The following TYMS variants were observed in gnomAD, a reference collection of about 807,000 sequenced individuals.
TYMS encodes thymidylate synthase.
TYMS carries 21 observed loss-of-function variants against 39.3 expected under a neutral mutation model. The observed-to-expected ratio is 0.54, with a 90% CI of 0.38 to 0.77. The LOEUF is 0.77. Ranked by LOEUF, TYMS falls within the 30% of genes least tolerant of loss-of-function variation. The pLI is 0.00. For synonymous variants in TYMS, 171 were observed against 162.2 expected, an observed-to-expected ratio of 1.05 and a Z score of -0.41; for missense variants, 273 against 406.7, an observed-to-expected ratio of 0.67 and a Z score of 2.83.
chr18:659,846 C>A, intron 2 of TYMS, 132 bp downstream of exon 2: 1 of 787,596 alleles, frequency 1.3e-6, no homozygotes, highest in South Asian at 1.6e-5. Context: ...GAGGCTGAGT[C>A]AGATCACCTG....
chr18:659,434 A>T (rs1480128282), intron 1 of TYMS, among the ~76,000 whole-genome samples: 1 of 152,038 alleles, frequency 6.6e-6, no homozygotes, highest in Non-Finnish European at 1.5e-5. Context: ...TCACCGGGGC[A>T]CAGAAGTGCT....
chr18:663,119 TAC>T (rs1226006242), intron 3 of TYMS, among the ~76,000 whole-genome samples: 1 of 96,950 alleles, frequency 1.0e-5, no homozygotes, highest in Non-Finnish European at 1.9e-5. Flanking sequence ...TGAACTAGTT[TAC>T]AGTCCCACCA....
chr18:659,551 C>G, intron 1 of TYMS, 90 bp from the exon 2 acceptor site: 1 of 1,110,044 alleles, frequency 9.0e-7, no homozygotes, highest in African/African-American at 1.5e-5. Context: ...TCCAGGGCCT[C>G]ACGTCCCAGG....
rs962893674 is a variant in TYMS at position 660,447 on chromosome 18, AG to A, written c.279+735del. The stretch of plus-strand genomic sequence containing the variant: ...CTTCCCCTGTTAGAAGGGGGACAGC[AG>A]GTAGTAAAAGTGAAATGTGCTGTAA... On this transcript the variant is annotated intron_variant, in intron 2 of 6. Coordinates refer to ENST00000323274, the MANE Select transcript of TYMS (RefSeq NM_001071.4). This position sits in a 1 kb window ranked among gnomAD's most constrained non-coding sequence, Gnocchi z 4.6. 1.4e-4 allele frequency among the ~76,000 whole-genome samples: 21 copies of A among 152,318 alleles called. No homozygotes were observed. The highest frequency in any genetic ancestry group is 4.8e-4 in the African/African-American group (20 of 41,580).
At chr18:671,080 T>G in intron 5 of TYMS, 1 of 635,248 alleles carries the variant, frequency 1.6e-6, no homozygotes, top group Non-Finnish European at 2.7e-6. Flanking sequence ...CTATACAGGT[T>G]GTTTGTGATA....
chr18:667,113 T>A lies in TYMS; in HGVS notation c.455-1959T>A, dbSNP rs1426275070. Among the ~76,000 whole-genome samples the A allele has an allele frequency of 7.4e-5, 5 of 67,250 alleles. 1 individual carries two copies. Among genetic ancestry groups the A allele is most frequent in the African/African-American group, 1.2e-4 (1 of 8,478 alleles). The allele number at this position is 67,250 out of a possible 152,430, so 44.1% of individuals were successfully genotyped here. A position where few individuals can be genotyped will look rare whatever the true frequency, so the allele number is the denominator to read the frequency against. On this transcript the variant is annotated intron_variant, in intron 3 of 6. Transcript: ENST00000323274. ...GTGATGGAGATGGAGATGGAGATGG[T>A]GATGGTGATGGTGATGGAGATGGTG... is the stretch of plus-strand genomic sequence containing the variant.
intron 1 of TYMS, 79 bp from the exon 2 acceptor site, chr18:659,562 G>A: frequency 1.6e-6 from 2 of 1,229,852 alleles, no homozygotes; most frequent in Non-Finnish European, 2.4e-6. Context: ...ACGTCCCAGG[G>A]CAGTTTTCTT....
chr18:670,618 CCT>C lies in TYMS; in HGVS notation c.557-73_557-72del, dbSNP rs563916756. 2.9e-4 allele frequency: 441 copies of C among 1,533,526 alleles called. 1 individual carries two copies. In the African/African-American group the frequency reaches 5.5e-3, roughly 19 times the overall value. The allele number at this position is 1,533,526 out of a possible 1,614,324, so 95.0% of individuals were successfully genotyped here. A position where few individuals can be genotyped will look rare whatever the true frequency, so the allele number is the denominator to read the frequency against. On this transcript the variant is annotated intron_variant, in intron 4 of 6. Coordinates refer to ENST00000323274, the MANE Select transcript of TYMS (RefSeq NM_001071.4). ...CATATGAGTTGGCTTCTGTTTCTCT[CCT>C]GTTTTACTTTGCCTTTAGCTGTGGT... is the stretch of plus-strand genomic sequence containing the variant.
intron 1 of TYMS, 47 bp downstream of exon 1, chr18:657,994 CGCG>C: frequency 6.6e-7 from 1 of 1,510,920 alleles, no homozygotes; most frequent in Non-Finnish European, 8.8e-7. Context: ...AGGAGGGAGG[CGCG>C]GCTGGGGAGA....
chr18:669,543 T>C (rs2074943706), intron 4 of TYMS: 1 of 187,292 alleles, frequency 5.3e-6, no homozygotes, highest in African/African-American at 2.4e-5. Flanking sequence ...CGGCTAATTT[T>C]GTATTTTTAG....
chr18:658,075 C>A lies in TYMS; in HGVS notation c.205+128C>A, dbSNP rs2144252319. On this transcript the variant is annotated intron_variant, in intron 1 of 6. Transcript: ENST00000323274. This position sits in a 1 kb window ranked among gnomAD's most constrained non-coding sequence, Gnocchi z 4.5. ...AACCTCAATCCTGCGAGGGAGGGGA[C>A]GCATCGTCCTCCTCGCCTTACAGAC... 6.3e-7 allele frequency: 1 copy of A among 1,575,200 alleles called. No homozygotes were observed. The highest frequency in any genetic ancestry group is 8.6e-7 in the Non-Finnish European group (1 of 1,163,774).
Position 658,310 on chromosome 18 carries a change from G to T in TYMS, c.205+363G>T. ...GCTGCCTGGGCTTGACCGCGCGCCG[G>T]TCTCAAAGTCCTGGCTTTGGCCCCT... On this transcript the variant is annotated intron_variant, in intron 1 of 6. Coordinates refer to ENST00000323274, the MANE Select transcript of TYMS (RefSeq NM_001071.4). The surrounding 1 kb of genome is among the most constrained non-coding windows in gnomAD (Gnocchi z 4.5). 7 of 1,381,682 alleles carry T rather than the reference G, an allele frequency of 5.1e-6. No individual in the cohort carries two copies. Among genetic ancestry groups the T allele is most frequent in the Admixed American group, 2.2e-5 (1 of 44,926 alleles). 85.6% of individuals were successfully genotyped at this position (1,381,682 alleles called of 1,614,324 possible). A position where few individuals can be genotyped will look rare whatever the true frequency, so the allele number is the denominator to read the frequency against.
At chr18:672,344 C>G (rs566491053) in intron 6 of TYMS, 1 of 152,426 alleles carries the variant, frequency 6.6e-6, no homozygotes, top group Non-Finnish European at 1.5e-5. Context: ...CTTATTCTCT[C>G]TGGCTCTCTG....
At chr18:671,773 G>T in intron 6 of TYMS, 1 of 291,292 alleles carries the variant, frequency 3.4e-6, no homozygotes, top group Admixed American at 5.5e-5. Context: ...AAGTGCAAAT[G>T]TTTTTCCTTT....
At chr18:670,617 T>C (rs2074998693) in intron 4 of TYMS, 75 bp from the exon 5 acceptor site, 1 of 1,530,600 alleles carries the variant, frequency 6.5e-7, no homozygotes. Context: ...TCTGTTTCTC[T>C]CCTGTTTTAC....
intron 3 of TYMS, among the ~76,000 whole-genome samples, chr18:662,745 ATGAG>A (rs1186778419): frequency 6.7e-6 from 1 of 150,008 alleles, no homozygotes; most frequent in African/African-American, 2.5e-5. Flanking sequence ...ATTCCCACCT[ATGAG>A]TGAGAATATG....
chr18:666,999 A>C (rs287599), intron 3 of TYMS, among the ~76,000 whole-genome samples: 2 of 6,720 alleles, frequency 3.0e-4, no homozygotes, highest in African/African-American at 1.6e-3. Flanking sequence ...ATGGTGATGG[A>C]GATGGTGATG....
intron 1 of TYMS, among the ~76,000 whole-genome samples, chr18:659,316 T>C (rs575451457): frequency 6.6e-6 from 1 of 152,314 alleles, no homozygotes; most frequent in South Asian, 2.1e-4. Context: ...CACACCTTTG[T>C]GACAGGATTA....
rs1567986893 is a variant in TYMS at position 660,856 on chromosome 18, A to G, written c.279+1142A>G. On this transcript the variant is annotated intron_variant, in intron 2 of 6. Coordinates refer to ENST00000323274, the MANE Select transcript of TYMS (RefSeq NM_001071.4). This position sits in a 1 kb window ranked among gnomAD's most constrained non-coding sequence, Gnocchi z 4.6. The stretch of plus-strand genomic sequence containing the variant: ...GGATCCCTTCTATAGAGCACTTGGT[A>G]TGGCTTGTATGGTCTTGGGGCAAGC... Among the ~76,000 whole-genome samples, 1 of 152,142 alleles carries G rather than the reference A, an allele frequency of 6.6e-6. No individual in the cohort carries two copies. Among genetic ancestry groups the G allele is most frequent in the Non-Finnish European group, 1.5e-5 (1 of 68,034 alleles).
Sources: allele counts gnomAD v4.1 joint callset (sites outside exome capture counted in the v4.1 genomes callset), GRCh38; gene constraint gnomAD v4.1.1; non-coding constraint Gnocchi (gnomAD v3.1); transcripts MANE v1.5; gene names NCBI Gene and HGNC (gene_info 2026-07-23, HGNC 2026-07-21).